RBMS3: variants seen among roughly 807,000 people sequenced by gnomAD.
RBMS3 encodes RNA-binding motif, single-stranded-interacting protein 3.
RBMS3 carries 27 observed loss-of-function variants against 66.8 expected under a neutral mutation model. That is an observed-to-expected ratio of 0.40 (90% confidence interval 0.30 to 0.56). The LOEUF (loss-of-function observed/expected upper bound fraction) is 0.56. RBMS3 is among the 20% of genes least tolerant of loss of function. RBMS3 has a pLI of 0.40. For synonymous variants in RBMS3, 188 were observed against 183.0 expected, an observed-to-expected ratio of 1.03 and a Z score of -0.22; for missense variants, 513 against 549.5, an observed-to-expected ratio of 0.93 and a Z score of 0.66.
chr3:29,529,159 G>A (rs772795482), intron 3 of RBMS3, among the ~76,000 whole-genome samples: 24 of 152,200 alleles, frequency 1.6e-4, no homozygotes, highest in Non-Finnish European at 3.2e-4. Context: ...AATTGAAAAT[G>A]AGTATAAAAA....
intron 1 of RBMS3, among the ~76,000 whole-genome samples, chr3:29,428,196 T>C (rs2041036121): frequency 6.6e-6 from 1 of 152,138 alleles, no homozygotes; most frequent in African/African-American, 2.4e-5. Flanking sequence ...AAAATAGTGA[T>C]TCTCAACTGG....
chr3:29,497,470 GCTC>G (rs2043797884), intron 3 of RBMS3, among the ~76,000 whole-genome samples: 1 of 152,030 alleles, frequency 6.6e-6, no homozygotes, highest in Non-Finnish European at 1.5e-5. Context: ...TTGCTTCCTT[GCTC>G]CTGTCTTTCA....
chr3:29,558,153 A>G (rs2046423056), intron 3 of RBMS3, among the ~76,000 whole-genome samples: 1 of 152,198 alleles, frequency 6.6e-6, no homozygotes, highest in Non-Finnish European at 1.5e-5. Context: ...ATTCCTCCAT[A>G]TACATACACA....
At chr3:29,613,732 A>G (rs1313775631) in intron 4 of RBMS3, among the ~76,000 whole-genome samples, 4 of 152,118 alleles carry the variant, frequency 2.6e-5, no homozygotes, top group Non-Finnish European at 4.4e-5. Context: ...GCCAACAGGT[A>G]TATTAAAAAA....
chr3:29,570,792 T>G (rs558473582), intron 3 of RBMS3, among the ~76,000 whole-genome samples: 1 of 152,308 alleles, frequency 6.6e-6, no homozygotes, highest in South Asian at 2.1e-4. Context: ...AACATGGAAA[T>G]GCAGATATCT....
intron 4 of RBMS3, among the ~76,000 whole-genome samples, chr3:29,665,081 T>C (rs913414511): frequency 6.6e-6 from 1 of 152,194 alleles, no homozygotes; most frequent in Non-Finnish European, 1.5e-5. Flanking sequence ...AAGGAGTGTA[T>C]ATAATAAATA....
At chr3:29,343,378 AAAG>A (rs1325218721) in intron 1 of RBMS3, among the ~76,000 whole-genome samples, 3 of 152,144 alleles carry the variant, frequency 2.0e-5, no homozygotes, top group Non-Finnish European at 4.4e-5. Flanking sequence ...ATTAATTGAC[AAAG>A]AAGAACAATG....
chr3:29,806,533 C>A (rs182135159), intron 6 of RBMS3, among the ~76,000 whole-genome samples: 6 of 152,026 alleles, frequency 3.9e-5, no homozygotes, highest in Admixed American at 3.9e-4. Context: ...AGAAAGCCAG[C>A]ACAATTTTTA....
At chr3:29,979,152 G>A (rs1025603493) in intron 12 of RBMS3, among the ~76,000 whole-genome samples, 8 of 151,318 alleles carry the variant, frequency 5.3e-5, no homozygotes, top group African/African-American at 2.0e-4. Context: ...GAAACGAGAA[G>A]GAAAGAAACA....
intron 1 of RBMS3, among the ~76,000 whole-genome samples, chr3:29,339,363 T>C (rs903024560): frequency 2.0e-5 from 3 of 152,180 alleles, no homozygotes; most frequent in East Asian, 1.9e-4. Context: ...TCTCAGTGTT[T>C]CGTGTGCTGG....
chr3:29,520,922 TTC>T, intron 3 of RBMS3, among the ~76,000 whole-genome samples: 1 of 152,214 alleles, frequency 6.6e-6, no homozygotes, highest in Non-Finnish European at 1.5e-5. Context: ...ATATTAACTG[TTC>T]TCTCTGCCTG....
chr3:29,475,530 G>T (rs1175889587), intron 2 of RBMS3, among the ~76,000 whole-genome samples: 2 of 152,120 alleles, frequency 1.3e-5, no homozygotes, highest in Admixed American at 1.3e-4. Context: ...GATTACAGGC[G>T]TGAATCACTG....
chr3:29,589,353 C>T (rs1201653482), intron 4 of RBMS3, among the ~76,000 whole-genome samples: 1 of 152,044 alleles, frequency 6.6e-6, no homozygotes, highest in African/African-American at 2.4e-5. Flanking sequence ...TTTTCCTAGC[C>T]AGCATTTTGG....
intron 6 of RBMS3, among the ~76,000 whole-genome samples, chr3:29,868,336 A>C (rs987341504): frequency 1.3e-5 from 2 of 152,130 alleles, no homozygotes; most frequent in African/African-American, 4.8e-5. Context: ...TGGAGTGAAG[A>C]GTGTTGGGTG....
chr3:29,772,543 C>T (rs2056256295), intron 6 of RBMS3, among the ~76,000 whole-genome samples: 1 of 151,912 alleles, frequency 6.6e-6, no homozygotes, highest in Non-Finnish European at 1.5e-5. Flanking sequence ...GTTACAGGCA[C>T]CACTGCAATG....
chr3:29,281,825 G>A (rs113055711), intron 1 of RBMS3, 69 bp downstream of exon 1: 2 of 1,355,212 alleles, frequency 1.5e-6, no homozygotes, highest in Non-Finnish European at 2.1e-6. Context: ...AAACAGACAG[G>A]CGTGTGAATT....
At chr3:29,767,007 T>G (rs1007531336) in intron 6 of RBMS3, 10 of 151,990 alleles carry the variant, frequency 6.6e-5, no homozygotes, top group South Asian at 2.1e-4. Context: ...TGAAGGATCA[T>G]TAGTTGCTTG....
At chr3:29,360,167 T>TTTAGAGTTTCTGCTGAGAGATCCA (rs1559515622) in intron 1 of RBMS3, among the ~76,000 whole-genome samples, 7 of 152,120 alleles carry the variant, frequency 4.6e-5, no homozygotes, top group African/African-American at 1.2e-4. Context: ...CTTTTCTGCT[T>TTTAGAGTTTCTGCTGAGAGATCCA]TCTCTTGTGG....
At chr3:29,648,609 C>T (rs572874688) in intron 4 of RBMS3, among the ~76,000 whole-genome samples, 9 of 152,036 alleles carry the variant, frequency 5.9e-5, no homozygotes, top group African/African-American at 9.6e-5. Context: ...CATGAACTCA[C>T]GGCTTATGTG....
Sources: allele counts gnomAD v4.1 joint callset (sites outside exome capture counted in the v4.1 genomes callset), GRCh38; gene constraint gnomAD v4.1.1; transcripts MANE v1.5; gene names NCBI Gene and HGNC (gene_info 2026-07-23, HGNC 2026-07-21).